Variants in ERC1 observed in about 807,000 individuals in gnomAD.
ERC1 encodes ELKS/RAB6-interacting/CAST family member 1.
Under a neutral mutation model 132.0 loss-of-function variants are expected in ERC1, and 56 were observed. The observed-to-expected ratio is 0.42, with a 90% CI of 0.34 to 0.53. ERC1 has a LOEUF of 0.53. ERC1 is among the 20% of genes least tolerant of loss of function. The pLI is 0.03. For missense variants in ERC1, 1,202 were observed against 1,349.9 expected, an observed-to-expected ratio of 0.89 and a Z score of 1.72; for synonymous variants, 478 against 476.1, an observed-to-expected ratio of 1.00 and a Z score of -0.05.
At position 1,116,690 on chromosome 12, in the gene ERC1, C is replaced by G. The variant is rs955616491; in HGVS notation, c.1569+657C>G. On this transcript the variant is annotated intron_variant, in intron 7 of 18. Coordinates refer to ENST00000360905, the MANE Select transcript of ERC1 (RefSeq NM_178040.4). ...CTCCGCCTCCTGGATTCAGGTGATTCTCCTGCCTCAGCCTCCTGAGTAGCT... is the reference window on the plus strand; with the variant it reads ...CTCCGCCTCCTGGATTCAGGTGATTGTCCTGCCTCAGCCTCCTGAGTAGCT... 3.3e-5 allele frequency among the ~76,000 whole-genome samples: 5 copies of G among 151,686 alleles called. No individual in the cohort carries two copies. In the East Asian group the frequency reaches 7.7e-4, roughly 23 times the overall value.
In ERC1 at chr12:1,375,733, CT is replaced by C. The variant is rs35535185; in HGVS notation, c.2925+3778del. 4.6e-3 allele frequency among the ~76,000 whole-genome samples: 495 copies of C among 107,038 alleles called. 2 individuals carry two copies. The highest frequency in any genetic ancestry group is 0.016 in the African/African-American group (370 of 23,562). The allele number at this position is 107,038 out of a possible 152,430, so 70.2% of individuals were successfully genotyped here. On this transcript the variant is annotated intron_variant, in intron 16 of 18. Coordinates refer to ENST00000360905, the MANE Select transcript of ERC1 (RefSeq NM_178040.4). ...GTCTCAGTAAGCATGGCTCTTGTTC[CT>C]TTTTTTTTTTTTTTTTTTTTTGAGG...
At chr12:1,485,423 T>G (rs2094197668) in intron 18 of ERC1, among the ~76,000 whole-genome samples, 1 of 151,904 alleles carries the variant, frequency 6.6e-6, no homozygotes, top group Non-Finnish European at 1.5e-5. Context: ...CAGGCTGGTC[T>G]TGAACTCCTG....
intron 18 of ERC1, among the ~76,000 whole-genome samples, chr12:1,472,915 CCTTT>C (rs1206828543): frequency 6.6e-6 from 1 of 152,142 alleles, no homozygotes. Context: ...GGAGGAAGTC[CCTTT>C]ATATCACCAC....
intron 18 of ERC1, among the ~76,000 whole-genome samples, chr12:1,483,882 C>T (rs184741948): frequency 8.4e-4 from 127 of 151,650 alleles, no homozygotes; most frequent in African/African-American, 2.6e-3. Context: ...TTAGTAGAGA[C>T]GGGGTTTCAC....
intron 8 of ERC1, among the ~76,000 whole-genome samples, chr12:1,174,469 C>T (rs1475152111): frequency 1.3e-5 from 2 of 152,216 alleles, no homozygotes; most frequent in Non-Finnish European, 2.9e-5. Flanking sequence ...TTGCTGACGG[C>T]ATTTTACCTG....
chr12:1,330,843 CTCT>C (rs2082811001), intron 15 of ERC1, among the ~76,000 whole-genome samples: 1 of 152,050 alleles, frequency 6.6e-6, no homozygotes, highest in African/African-American at 2.4e-5. Flanking sequence ...AATTTATCTT[CTCT>C]TTTTTATCTC....
intron 13 of ERC1, among the ~76,000 whole-genome samples, chr12:1,256,617 C>CT (rs1167107995): frequency 6.6e-6 from 1 of 150,480 alleles, no homozygotes; most frequent in East Asian, 2.0e-4. Context: ...TTGGATTACT[C>CT]TAATTTATAA....
intron 16 of ERC1, among the ~76,000 whole-genome samples, chr12:1,405,238 C>T (rs1465810232): frequency 4.0e-5 from 6 of 149,262 alleles, no homozygotes; most frequent in African/African-American, 1.2e-4. Flanking sequence ...TAGCAAAGGT[C>T]TCTGGGGGTC....
intron 1 of ERC1, among the ~76,000 whole-genome samples, chr12:1,004,852 A>G (rs1242809128): frequency 1.7e-5 from 2 of 117,478 alleles, no homozygotes; most frequent in African/African-American, 6.5e-5. Context: ...GTGTGTGTAT[A>G]AATTTTTTTT....
chr12:1,389,999 G>A (rs1293943394), intron 16 of ERC1, among the ~76,000 whole-genome samples: 1 of 152,132 alleles, frequency 6.6e-6, no homozygotes, highest in Non-Finnish European at 1.5e-5. Flanking sequence ...TGTCGTTAAG[G>A]CTTCATTAAT....
chr12:1,042,347 TTTTTTTTTTC>T (rs1455643137), intron 2 of ERC1, among the ~76,000 whole-genome samples: 1 of 141,110 alleles, frequency 7.1e-6, no homozygotes, highest in Non-Finnish European at 1.5e-5. Flanking sequence ...TGTTTTTTTT[TTTTTTTTTTC>T]TTTTTTTGAA....
At chr12:1,484,358 C>T (rs1257586192) in intron 18 of ERC1, among the ~76,000 whole-genome samples, 2 of 151,940 alleles carry the variant, frequency 1.3e-5, no homozygotes, top group Non-Finnish European at 2.9e-5. Flanking sequence ...CATACTTGTA[C>T]ATACGTTCTT....
At chr12:1,458,315 G>A (rs1406018707) in intron 18 of ERC1, among the ~76,000 whole-genome samples, 2 of 152,176 alleles carry the variant, frequency 1.3e-5, no homozygotes, top group Admixed American at 6.6e-5. Flanking sequence ...AAATATATTG[G>A]AGCTAATATA....
intron 6 of ERC1, among the ~76,000 whole-genome samples, chr12:1,113,949 C>G (rs1273929774): frequency 4.6e-5 from 7 of 152,128 alleles, no homozygotes; most frequent in Non-Finnish European, 8.8e-5. Context: ...TATTTGCTTC[C>G]CCTTTATAAT....
intron 15 of ERC1, among the ~76,000 whole-genome samples, chr12:1,296,946 A>G (rs933944303): frequency 5.9e-5 from 9 of 152,322 alleles, no homozygotes; most frequent in South Asian, 4.1e-4. Context: ...ACATATTTCT[A>G]TAATTTAATT....
intron 15 of ERC1, among the ~76,000 whole-genome samples, chr12:1,335,951 G>A (rs1018323530): frequency 1.3e-5 from 2 of 152,002 alleles, no homozygotes; most frequent in African/African-American, 2.4e-5. Flanking sequence ...GTTCATTATG[G>A]GCCTGTTCAG....
At chr12:1,482,998 C>G (rs1592325391) in intron 18 of ERC1, among the ~76,000 whole-genome samples, 1 of 152,048 alleles carries the variant, frequency 6.6e-6, no homozygotes, top group South Asian at 2.1e-4. Flanking sequence ...TCTGGAATTT[C>G]ATCAAGAATG....
At chr12:1,384,715 TTAAA>T (rs977455091) in intron 16 of ERC1, among the ~76,000 whole-genome samples, 16 of 152,296 alleles carry the variant, frequency 1.1e-4, no homozygotes, top group Middle Eastern at 3.4e-3. Flanking sequence ...ATATAAGAAT[TTAAA>T]TAAATAAATT....
intron 13 of ERC1, among the ~76,000 whole-genome samples, chr12:1,239,357 T>C: frequency 6.6e-6 from 1 of 152,164 alleles, no homozygotes; most frequent in East Asian, 1.9e-4. Flanking sequence ...TGCCTGGCCC[T>C]ATGGATCATA....
Sources: allele counts gnomAD v4.1 joint callset (sites outside exome capture counted in the v4.1 genomes callset), GRCh38; gene constraint gnomAD v4.1.1; transcripts MANE v1.5; gene names NCBI Gene and HGNC (gene_info 2026-07-23, HGNC 2026-07-21).